GNG4: variants seen among roughly 807,000 people sequenced by gnomAD.
GNG4 encodes G protein subunit gamma 4.
A neutral mutation model predicts 5.8 loss-of-function variants in GNG4; 4 were observed. The ratio of observed to expected loss-of-function variants is 0.69; its 90% CI spans 0.34 to 1.57. The LOEUF is 1.57. Ranked by LOEUF, GNG4 falls within the 40% of genes most tolerant of loss-of-function variation. The pLI is 0.06. For synonymous variants in GNG4, 29 were observed against 32.9 expected, an observed-to-expected ratio of 0.88 and a Z score of 0.41; for missense variants, 96 against 95.1, an observed-to-expected ratio of 1.01 and a Z score of -0.04.
chr1:235,603,157 C>T (rs753188223), intron 1 of GNG4, among the ~76,000 whole-genome samples: 3 of 151,884 alleles, frequency 2.0e-5, no homozygotes, highest in South Asian at 2.1e-4. Context: ...GCAGGAGAAT[C>T]GCATGAGTCT....
chr1:235,595,803 C>T (rs1217711084), intron 1 of GNG4, among the ~76,000 whole-genome samples: 1 of 152,182 alleles, frequency 6.6e-6, no homozygotes, highest in Non-Finnish European at 1.5e-5. Flanking sequence ...AGTCGCTCTG[C>T]CCCCCAACAC....
At chr1:235,568,038 C>A (rs756911058) in intron 3 of GNG4, among the ~76,000 whole-genome samples, 1 of 152,198 alleles carries the variant, frequency 6.6e-6, no homozygotes, top group South Asian at 2.1e-4. Context: ...ACTGCACGAA[C>A]CCCCTCCAGC....
At chr1:235,572,546 G>T (rs1687373150) in intron 3 of GNG4, among the ~76,000 whole-genome samples, 1 of 145,556 alleles carries the variant, frequency 6.9e-6, no homozygotes, top group South Asian at 2.2e-4. Context: ...CTGTCGCCCA[G>T]GCTGGAGTGA....
chr1:235,647,668 A>G (rs1204918170), intron 1 of GNG4, among the ~76,000 whole-genome samples: 1 of 151,764 alleles, frequency 6.6e-6, no homozygotes, highest in Non-Finnish European at 1.5e-5. Flanking sequence ...CATGTTGTTT[A>G]TTTATTTTGA....
intron 1 of GNG4, among the ~76,000 whole-genome samples, chr1:235,630,896 G>T (rs147744263): frequency 2.7e-4 from 41 of 151,806 alleles, no homozygotes; most frequent in Admixed American, 2.4e-3. Flanking sequence ...TCTAATGAGA[G>T]ACTCTCCTTT....
chr1:235,624,249 C>T (rs1013947531), intron 1 of GNG4, among the ~76,000 whole-genome samples: 11 of 151,602 alleles, frequency 7.3e-5, no homozygotes, highest in East Asian at 3.9e-4. Flanking sequence ...ATTACAGCCA[C>T]GCACCACCAC....
chr1:235,616,203 T>G, intron 1 of GNG4: 1 of 523,432 alleles, frequency 1.9e-6, no homozygotes. Flanking sequence ...GCCAACTGAA[T>G]TTTTGTGCTG....
chr1:235,580,739 G>GTTTTTTTTTTT lies in GNG4; in HGVS notation c.99+3000_99+3001insAAAAAAAAAAA, dbSNP rs1200655746. Among the ~76,000 whole-genome samples the GTTTTTTTTTTT allele has an allele frequency of 7.1e-5, 7 of 98,048 alleles. 3 individuals are homozygous for GTTTTTTTTTTT. The highest frequency in any genetic ancestry group is 9.1e-5 in the African/African-American group (2 of 22,010). 64.3% of individuals were successfully genotyped at this position (98,048 alleles called of 152,430 possible). A position where few individuals can be genotyped will look rare whatever the true frequency, so the allele number is the denominator to read the frequency against. ...GCACAGCAACATGGCGGCCTATCCCGTTTTTTGTTTTTTTTTTTTTTTTTT... is the reference window on the plus strand; with the variant it reads ...GCACAGCAACATGGCGGCCTATCCCGTTTTTTTTTTTTTTTTTGTTTTTTTTTTTTTTTTTT... On this transcript the variant is annotated intron_variant, in intron 3 of 3. Transcript: ENST00000391854.
intron 1 of GNG4, among the ~76,000 whole-genome samples, chr1:235,629,873 T>G (rs7513557): frequency 0.028 from 4,297 of 152,248 alleles, 201 homozygotes; most frequent in African/African-American, 0.095. Context: ...ATTACAGGCA[T>G]GAGCCACCAT....
chr1:235,605,683 G>C (rs569671099), intron 1 of GNG4, among the ~76,000 whole-genome samples: 2 of 152,260 alleles, frequency 1.3e-5, no homozygotes, highest in Admixed American at 6.5e-5. Context: ...TGATCAGAGA[G>C]GGGGAGTTCC....
At position 235,630,870 on chromosome 1, in the gene GNG4, C is replaced by T. The variant is rs776784721; in HGVS notation, c.-123+18792G>A. ...CAGTAAAATGAAACGTGAGCCTAAC[C>T]AATCACCAGCTAATTTCTAATGAGA... On this transcript the variant is annotated intron_variant, in intron 1 of 3. Transcript: ENST00000391854. 1.6e-4 allele frequency among the ~76,000 whole-genome samples: 24 copies of T among 152,082 alleles called. 1 individual carries two copies. In the Middle Eastern group the frequency reaches 0.017, roughly 108 times the overall value.
intron 1 of GNG4, among the ~76,000 whole-genome samples, chr1:235,647,215 CTAAGTA>C (rs1185477011): frequency 4.0e-5 from 6 of 151,852 alleles, no homozygotes; most frequent in African/African-American, 9.7e-5. Flanking sequence ...GTCTCTATGC[CTAAGTA>C]TATCTAGAAT....
chr1:235,624,983 C>T (rs1212195363), intron 1 of GNG4, among the ~76,000 whole-genome samples: 1 of 152,180 alleles, frequency 6.6e-6, no homozygotes, highest in African/African-American at 2.4e-5. Flanking sequence ...AAGGAGGAAC[C>T]ACAGCCTGCT....
At chr1:235,555,945 G>A (rs1008309072) in intron 3 of GNG4, among the ~76,000 whole-genome samples, 1 of 151,964 alleles carries the variant, frequency 6.6e-6, no homozygotes, top group African/African-American at 2.4e-5. Context: ...TCAGCTCACT[G>A]TAACCTCTGC....
chr1:235,584,616 C>T (rs1687716966), intron 2 of GNG4, among the ~76,000 whole-genome samples: 1 of 152,242 alleles, frequency 6.6e-6, no homozygotes. Flanking sequence ...CCTAACCCTA[C>T]ACACATTGAT....
At chr1:235,611,637 G>A (rs1411359651) in intron 1 of GNG4, among the ~76,000 whole-genome samples, 2 of 152,156 alleles carry the variant, frequency 1.3e-5, no homozygotes, top group African/African-American at 4.8e-5. Context: ...CCAAGCAGGT[G>A]GGTTGTTTTT....
At chr1:235,630,761 A>G (rs1298715963) in intron 1 of GNG4, among the ~76,000 whole-genome samples, 2 of 152,346 alleles carry the variant, frequency 1.3e-5, no homozygotes, top group East Asian at 3.9e-4. Flanking sequence ...GTGTTAGAAA[A>G]TAATCAATTG....
intron 1 of GNG4, among the ~76,000 whole-genome samples, chr1:235,641,191 G>T (rs1657315598): frequency 6.6e-6 from 1 of 152,140 alleles, no homozygotes; most frequent in South Asian, 2.1e-4. Flanking sequence ...TTCCAGACCA[G>T]CCTGGGCAAC....
intron 1 of GNG4, among the ~76,000 whole-genome samples, chr1:235,627,446 CT>C (rs759978166): frequency 1.3e-5 from 2 of 152,168 alleles, no homozygotes; most frequent in African/African-American, 2.4e-5. Context: ...TGGTCTCAAA[CT>C]CCTGACCTTG....
Sources: gnomAD v4.1 joint callset for allele counts (sites outside exome capture counted in the v4.1 genomes callset) on GRCh38, gnomAD v4.1.1 for gene constraint, MANE v1.5 for transcripts, NCBI Gene and HGNC (gene_info 2026-07-23, HGNC 2026-07-21) for gene names.